ZNF99: variants seen among roughly 807,000 people sequenced by gnomAD.
The protein encoded by ZNF99 is zinc finger protein 99.
A neutral mutation model predicts 12.8 loss-of-function variants in ZNF99; 8 were observed. The ratio of observed to expected loss-of-function variants is 0.62; its 90% CI spans 0.37 to 1.13. ZNF99 has a LOEUF of 1.13. Ranked by LOEUF, ZNF99 falls within the 50% of genes most tolerant of loss-of-function variation. The pLI is 0.02. For synonymous variants in ZNF99, 318 were observed against 319.0 expected, an observed-to-expected ratio of 1.00 and a Z score of 0.03; for missense variants, 1,007 against 1,006.2, an observed-to-expected ratio of 1.00 and a Z score of -0.01.
Position 22,758,696 on chromosome 19 carries a change from C to A in ZNF99, c.1213G>T (p.Ala405Ser), listed in dbSNP as rs1309863135. ...KPYKCEECGK[A>S]FKWSSKLTVH... is the part of the protein sequence containing the mutation. ...GTAAGTTTTGAGGACCACTTAAAAG[C>A]TTTACCACATTCTTCACATTTGTAG... Residue 405 changes from alanine to serine, a missense_variant, in exon 4 of 4, where the codon GCT becomes TCT. Transcript: ENST00000596209. 2.4e-5 allele frequency: 39 copies of A among 1,613,054 alleles called. No homozygotes were observed. The highest frequency in any genetic ancestry group is 3.2e-5 in the Non-Finnish European group (38 of 1,179,418).
intron 1 of ZNF99, among the ~76,000 whole-genome samples, chr19:22,779,760 C>A (rs1362367389): frequency 6.6e-6 from 1 of 152,126 alleles, no homozygotes; most frequent in East Asian, 1.9e-4. Flanking sequence ...CATTCGCCAT[C>A]CCCTCCGACC....
At chr19:22,768,961 G>A (rs1389234327) in intron 2 of ZNF99, among the ~76,000 whole-genome samples, 1 of 151,638 alleles carries the variant, frequency 6.6e-6, no homozygotes, top group East Asian at 1.9e-4. Context: ...CCTGGGAGGC[G>A]GAGGTTGTGG....
rs1209766906 is a variant in ZNF99 at position 22,758,908 on chromosome 19, A to C, written c.1001T>G (p.Ile334Ser). 6.2e-7 allele frequency: 1 copy of C among 1,613,788 alleles called. No homozygotes were observed. Among genetic ancestry groups the C allele is most frequent in the Non-Finnish European group, 8.5e-7 (1 of 1,179,900 alleles). The change falls in exon 4 of 4, where the codon ATT (isoleucine) becomes AGT (serine). Residue 334 changes from isoleucine (I) to serine (S), a missense_variant. Coordinates refer to ENST00000596209, the MANE Select transcript of ZNF99 (RefSeq NM_001080409.3). ...TTTGTAGGGTTTCTTTCCAGTATGA[A>C]TTATCTGATGTTTTCTAAGGGCTGA... The part of the protein sequence containing the change: ...HFSALRKHQI[I>S]HTGKKPYKCE...
intron 1 of ZNF99, chr19:22,770,246 TAAGA>T (rs1011367372): frequency 1.4e-5 from 3 of 211,840 alleles, no homozygotes; most frequent in African/African-American, 2.4e-5. Flanking sequence ...AGAGAAAATC[TAAGA>T]AAGGCAGGTG....
chr19:22,770,038 G>T, intron 1 of ZNF99: 12 of 1,295,232 alleles, frequency 9.3e-6, no homozygotes, highest in Non-Finnish European at 1.2e-5. Flanking sequence ...TGGAGATCTT[G>T]TTAAGCATAT....
intron 1 of ZNF99, 33 bp from the exon 2 acceptor site, chr19:22,769,357 CCCAATTGG>C (rs1973240426): frequency 6.3e-7 from 1 of 1,583,082 alleles, no homozygotes; most frequent in South Asian, 1.1e-5. Flanking sequence ...ATATAGATTT[CCCAATTGG>C]CCATGGACAG....
rs1422940259 is a variant in ZNF99 at position 22,755,816 on chromosome 19, A to G, written c.*1498T>C. 5 of 308,244 alleles carry G rather than the reference A, an allele frequency of 1.6e-5. No individual in the cohort carries two copies. In the Admixed American group the frequency reaches 1.8e-4, roughly 11 times the overall value. 19.1% of individuals were successfully genotyped at this position (308,244 alleles called of 1,614,324 possible). A position where few individuals can be genotyped will look rare whatever the true frequency, so the allele number is the denominator to read the frequency against. ...TTATCTTCAGTATGAATTATCTTAC[A>G]TTCAGTAAGATTTGAGGACCAGTTA... is the stretch of plus-strand genomic sequence containing the variant. On this transcript the variant is annotated 3_prime_UTR_variant, in exon 4 of 4. Transcript: ENST00000596209.
intron 1 of ZNF99, chr19:22,774,566 G>A (rs1973305246): frequency 6.6e-6 from 1 of 152,164 alleles, no homozygotes; most frequent in Non-Finnish European, 1.5e-5. Context: ...CCGATTTAGT[G>A]AAATGAAAGA....
intron 3 of ZNF99, among the ~76,000 whole-genome samples, chr19:22,763,216 G>A (rs1973168665): frequency 6.6e-6 from 1 of 152,150 alleles, no homozygotes; most frequent in South Asian, 2.1e-4. Flanking sequence ...CGGATGATAT[G>A]ATTGTTTACT....
At position 22,759,696 on chromosome 19, in the gene ZNF99, A is replaced by G; in HGVS notation, c.227-14T>C. ...GAGAACTAATAACTGGAAGAAATGA[A>G]AATAATAAATTATGTCACTTGCTAG... On this transcript the variant is annotated splice_polypyrimidine_tract_variant and intron_variant, in intron 3 of 3. Transcript: ENST00000596209. The G allele has an allele frequency of 6.7e-7, 1 of 1,484,320 alleles. No homozygotes were observed. The allele number at this position is 1,484,320 out of a possible 1,614,324, so 91.9% of individuals were successfully genotyped here.
At position 22,769,839 on chromosome 19, in the gene ZNF99, G is replaced by A. The variant is rs1973246943; in HGVS notation, c.4-515C>T. ...AAACTCTGAGAAAAAAAGAATGGCA[G>A]AAGATCCACAACACCAGCACAGACA... is the stretch of plus-strand genomic sequence containing the variant. On this transcript the variant is annotated intron_variant, in intron 1 of 3. Transcript: ENST00000596209. 2.3e-6 allele frequency: 3 copies of A among 1,298,504 alleles called. No individual in the cohort carries two copies. In the South Asian group the frequency reaches 4.0e-5, roughly 17 times the overall value. The allele number at this position is 1,298,504 out of a possible 1,614,324, so 80.4% of individuals were successfully genotyped here.
chr19:22,756,332 T>A lies in ZNF99; in HGVS notation c.*982A>T. 6.3e-7 allele frequency: 1 copy of A among 1,589,814 alleles called. No individual in the cohort carries two copies. Among genetic ancestry groups the A allele is most frequent in the South Asian group, 1.1e-5 (1 of 90,132 alleles). ...ATGAATTGTTTTATGTTGAGTAAGG[T>A]GTGAGGACTGGTTAAAGGCTTTGCC... On this transcript the variant is annotated 3_prime_UTR_variant, in exon 4 of 4. Transcript: ENST00000596209.
chr19:22,753,966 T>C lies in ZNF99; in HGVS notation c.*3348A>G, dbSNP rs932788046. 4.4e-6 allele frequency: 2 copies of C among 452,544 alleles called. No homozygotes were observed. The highest frequency in any genetic ancestry group is 4.0e-5 in the African/African-American group (2 of 49,886). The allele number at this position is 452,544 out of a possible 1,614,324, so 28.0% of individuals were successfully genotyped here. On this transcript the variant is annotated 3_prime_UTR_variant, in exon 4 of 4. Transcript: ENST00000596209. ...GGCTTCTTGACACTATGATTTCTTT[T>C]ATGTTTAGAAAAGTTTAAGGTGTTC...
At chr19:22,762,451 C>A (rs1421590284) in intron 3 of ZNF99, among the ~76,000 whole-genome samples, 1 of 152,066 alleles carries the variant, frequency 6.6e-6, no homozygotes, top group Admixed American at 6.5e-5. Flanking sequence ...GAATTAGATA[C>A]CCTGAACAGA....
At position 22,754,924 on chromosome 19, in the gene ZNF99, G is replaced by T. The variant is rs1568380960; in HGVS notation, c.*2390C>A. The T allele has an allele frequency of 5.9e-6, 1 of 170,934 alleles. No individual in the cohort carries two copies. The highest frequency in any genetic ancestry group is 2.4e-5 in the African/African-American group (1 of 41,454). The allele number at this position is 170,934 out of a possible 1,614,324, so 10.6% of individuals were successfully genotyped here. A position where few individuals can be genotyped will look rare whatever the true frequency, so the allele number is the denominator to read the frequency against. The stretch of plus-strand genomic sequence containing the variant: ...GTCTCTACTAAAAATACAAAATTAG[G>T]TGGGCGTGGTGGCACATGCCTATAG... On this transcript the variant is annotated 3_prime_UTR_variant, in exon 4 of 4. Coordinates refer to ENST00000596209, the MANE Select transcript of ZNF99 (RefSeq NM_001080409.3).
At chr19:22,768,182 T>C in intron 3 of ZNF99, 123 bp downstream of exon 3, 1 of 1,087,892 alleles carries the variant, frequency 9.2e-7, no homozygotes, top group South Asian at 1.4e-5. Flanking sequence ...TTAAAAAATC[T>C]CAGTCTTCCC....
chr19:22,763,903 C>CTTTTT (rs1349512561), intron 3 of ZNF99, among the ~76,000 whole-genome samples: 19 of 126,246 alleles, frequency 1.5e-4, no homozygotes, highest in Non-Finnish European at 2.4e-4. Context: ...TTTTTTCTTT[C>CTTTTT]CTTTTTTTTT....
chr19:22,757,875 T>C lies in ZNF99; in HGVS notation c.2034A>G (p.Lys678=), dbSNP rs2038864676. Residue 678 remains lysine (K), a synonymous_variant, in exon 4 of 4, where the codon AAA becomes AAG. Coordinates refer to ENST00000596209, the MANE Select transcript of ZNF99 (RefSeq NM_001080409.3). ...KVIHTEEKPY[K]CEECGKAFNH... is the part of the protein sequence containing the mutation. ...TAAAAGCCTTGCCACATTCTTCACATTTGTAGGGTTTCTCTTCAGTATGAA... is the reference window on the plus strand; with the variant it reads ...TAAAAGCCTTGCCACATTCTTCACACTTGTAGGGTTTCTCTTCAGTATGAA... The C allele has an allele frequency of 1.9e-6, 3 of 1,612,712 alleles. No individual in the cohort carries two copies. The highest frequency in any genetic ancestry group is 2.7e-5 in the African/African-American group (2 of 74,862).
At position 22,755,624 on chromosome 19, in the gene ZNF99, T is replaced by C; in HGVS notation, c.*1690A>G. 3.5e-6 allele frequency: 1 copy of C among 284,268 alleles called. No homozygotes were observed. The highest frequency in any genetic ancestry group is 7.2e-6 in the Non-Finnish European group (1 of 139,536). 17.6% of individuals were successfully genotyped at this position (284,268 alleles called of 1,614,324 possible). A position where few individuals can be genotyped will look rare whatever the true frequency, so the allele number is the denominator to read the frequency against. ...GCCAAATTCTTTAAATTTGTAGTGT[T>C]CCTCTCCAAGATAAATTATTTTATG... On this transcript the variant is annotated 3_prime_UTR_variant, in exon 4 of 4. Coordinates refer to ENST00000596209, the MANE Select transcript of ZNF99 (RefSeq NM_001080409.3).
Sources: allele counts gnomAD v4.1 joint callset (sites outside exome capture counted in the v4.1 genomes callset), GRCh38; gene constraint gnomAD v4.1.1; transcripts MANE v1.5; gene names NCBI Gene and HGNC (gene_info 2026-07-23, HGNC 2026-07-21).